Variants in ACTR1B observed in about 807,000 individuals in gnomAD.
ACTR1B encodes actin related protein 1B.
Under a neutral mutation model 49.4 loss-of-function variants are expected in ACTR1B, and 34 were observed. The ratio of observed to expected loss-of-function variants is 0.69; its 90% confidence interval spans 0.52 to 0.92. The LOEUF (loss-of-function observed/expected upper bound fraction) is 0.92, where lower values mean the gene tolerates loss of function less well. ACTR1B is among the 40% of genes least tolerant of loss of function. The pLI, the probability that ACTR1B is intolerant of heterozygous loss-of-function variation, is 0.00. For synonymous variants in ACTR1B, 207 were observed against 207.8 expected, an observed-to-expected ratio of 1.00 and a Z score of 0.03; for missense variants, 471 against 522.4, an observed-to-expected ratio of 0.90 and a Z score of 0.96.
rs1489212934 is a variant in ACTR1B, at chr2:97,660,457, G to C, written c.189+114C>G. 1.0e-5 allele frequency: 11 copies of C among 1,065,788 alleles called. No individual in the cohort carries two copies. The East Asian group carries it at 2.4e-4, about 23-fold the overall frequency. The allele number at this position is 1,065,788 out of a possible 1,614,324, so 66.0% of individuals were successfully genotyped here. ...AGGTGCCCCTGCACAGCACTTCCCA[G>C]CTGGAGCCTGGAGGAGGTACCCGGG... On this transcript the variant is annotated intron_variant, in intron 3 of 10. Transcript: ENST00000289228.
Position 97,658,856 on chromosome 2 carries a change from G to A in ACTR1B, c.440+23C>T, listed in dbSNP as rs377261020. ...GCACAGGGAGGACAGGACTCAGGGAGGCCAGGCTTAGGGAGCACTCACAGA... is the reference window on the plus strand; with the variant it reads ...GCACAGGGAGGACAGGACTCAGGGAAGCCAGGCTTAGGGAGCACTCACAGA... On this transcript the variant is annotated intron_variant, in intron 5 of 10. Transcript: ENST00000289228. The surrounding 1 kb of genome is among the most constrained non-coding windows in gnomAD (Gnocchi z 5.9). 4 of 1,613,840 alleles carry A rather than the reference G, an allele frequency of 2.5e-6. No homozygotes were observed. The highest frequency in any genetic ancestry group is 3.4e-6 in the Non-Finnish European group (4 of 1,179,990).
At chr2:97,661,792 A>G (rs1425337104) in intron 2 of ACTR1B, 90 bp downstream of exon 2, 4 of 1,355,034 alleles carry the variant, frequency 3.0e-6, no homozygotes, top group Non-Finnish European at 4.1e-6. Context: ...TCAGGGCACA[A>G]ATTGTCTTCA....
In ACTR1B at chr2:97,658,947, C is replaced by G; in HGVS notation, c.372G>C (p.Ala124=). ...TGAAGGTCTCAAAGAACACCTCTGC[C>G]GCCTTCTCCCGGTTCTTACTCGGGT... is the stretch of plus-strand genomic sequence containing the variant. ...PLNPSKNREK[A]AEVFFETFNV... Residue 124 remains alanine (A), a synonymous_variant, in exon 5 of 11, where the codon GCG becomes GCC. Coordinates refer to ENST00000289228, the MANE Select transcript of ACTR1B (RefSeq NM_005735.4). This position sits in a 1 kb window ranked among gnomAD's most constrained non-coding sequence, Gnocchi z 5.9. 1 of 1,614,162 alleles carries G rather than the reference C, an allele frequency of 6.2e-7. No homozygotes were observed. Among genetic ancestry groups the G allele is most frequent in the Non-Finnish European group, 8.5e-7 (1 of 1,180,022 alleles).
At position 97,663,887 on chromosome 2, in the gene ACTR1B, C is replaced by T; in HGVS notation, c.4G>A (p.Glu2Lys). 1 of 1,410,076 alleles carries T rather than the reference C, an allele frequency of 7.1e-7. No individual in the cohort carries two copies. Among genetic ancestry groups the T allele is most frequent in the Non-Finnish European group, 9.4e-7 (1 of 1,067,618 alleles). 87.3% of individuals were successfully genotyped at this position (1,410,076 alleles called of 1,614,324 possible). Residue 2 changes from glutamate to lysine, a missense_variant, in exon 1 of 11, where the codon GAG becomes AAG. Coordinates refer to ENST00000289228, the MANE Select transcript of ACTR1B (RefSeq NM_005735.4). Reference protein sequence around the residue: MESYDIIANQPV... With the variant: MKSYDIIANQPV... ...TGGTTGGCGATGATGTCGTAGGACTCCATGGCCGGGCCGCGCCGGCCCTGC... is the reference window on the plus strand; with the variant it reads ...TGGTTGGCGATGATGTCGTAGGACTTCATGGCCGGGCCGCGCCGGCCCTGC...
Position 97,656,324 on chromosome 2 carries a change from G to A in ACTR1B, c.*534C>T, listed in dbSNP as rs1674835277. On this transcript the variant is annotated 3_prime_UTR_variant, in exon 11 of 11. Transcript: ENST00000289228. ...ACCCTGGGCTGCACCCCCTTGCTGGGGATGGAAGACCATTCAGTACTCAGC... is the reference window on the plus strand; with the variant it reads ...ACCCTGGGCTGCACCCCCTTGCTGGAGATGGAAGACCATTCAGTACTCAGC... The A allele has an allele frequency of 6.2e-6, 1 of 160,172 alleles. No individual in the cohort carries two copies. The highest frequency in any genetic ancestry group is 1.4e-5 in the Non-Finnish European group (1 of 72,782). The allele number at this position is 160,172 out of a possible 1,614,324, so 9.9% of individuals were successfully genotyped here. A position where few individuals can be genotyped will look rare whatever the true frequency, so the allele number is the denominator to read the frequency against.
intron 8 of ACTR1B, 90 bp downstream of exon 8, chr2:97,657,853 C>A (rs1033646643): frequency 2.7e-6 from 4 of 1,461,418 alleles, no homozygotes; most frequent in East Asian, 2.3e-5. Flanking sequence ...AAAAAGCCAA[C>A]AGAATATGGC....
At chr2:97,660,378 G>A (rs1008386287) in intron 3 of ACTR1B, among the ~76,000 whole-genome samples, 193 bp downstream of exon 3, 1 of 152,216 alleles carries the variant, frequency 6.6e-6, no homozygotes, top group African/African-American at 2.4e-5. Context: ...GACAGGACAC[G>A]ATGAGCTCTA....
At chr2:97,657,311 G>C in intron 9 of ACTR1B, 119 bp from the exon 10 acceptor site, 1 of 1,500,260 alleles carries the variant, frequency 6.7e-7, no homozygotes, top group Non-Finnish European at 9.2e-7. Flanking sequence ...GCTGGGGAGT[G>C]GCAGCAGCAG....
intron 1 of ACTR1B, 87 bp downstream of exon 1, chr2:97,663,756 C>T: frequency 2.3e-6 from 2 of 863,864 alleles, no homozygotes; most frequent in Non-Finnish European, 3.0e-6. Flanking sequence ...GGAGGACGCG[C>T]CGAGGCGGGC....
chr2:97,656,709 C>T lies in ACTR1B; in HGVS notation c.*149G>A. 1.5e-6 allele frequency: 1 copy of T among 653,272 alleles called. No individual in the cohort carries two copies. The highest frequency in any genetic ancestry group is 2.7e-6 in the Non-Finnish European group (1 of 365,558). The allele number at this position is 653,272 out of a possible 1,614,324, so 40.5% of individuals were successfully genotyped here. A position where few individuals can be genotyped will look rare whatever the true frequency, so the allele number is the denominator to read the frequency against. ...TGCATGTCCTGTGTAGAGGGGAAGG[C>T]TGCAGGGGGGCACTGCTGTGCCACC... On this transcript the variant is annotated 3_prime_UTR_variant, in exon 11 of 11. Transcript: ENST00000289228.
intron 1 of ACTR1B, 49 bp from the exon 2 acceptor site, chr2:97,661,995 G>C: frequency 6.5e-7 from 1 of 1,547,498 alleles, no homozygotes; most frequent in South Asian, 1.2e-5. Flanking sequence ...ACCAGATGAA[G>C]CCAGTCCCCC....
At chr2:97,661,836 A>G (rs1559290603) in intron 2 of ACTR1B, 46 bp downstream of exon 2, 3 of 1,547,762 alleles carry the variant, frequency 1.9e-6, no homozygotes, top group Non-Finnish European at 2.6e-6. Flanking sequence ...ATGTTCTTAC[A>G]GAAGGTAAAC....
Position 97,663,996 on chromosome 2 carries a change from G to T in ACTR1B, c.-106C>A. The T allele has an allele frequency of 1.6e-6, 1 of 641,884 alleles. No individual in the cohort carries two copies. The highest frequency in any genetic ancestry group is 2.2e-6 in the Non-Finnish European group (1 of 458,186). 39.8% of individuals were successfully genotyped at this position (641,884 alleles called of 1,614,324 possible). A position where few individuals can be genotyped will look rare whatever the true frequency, so the allele number is the denominator to read the frequency against. ...CGGCGGCTCCCGACGCGGCGCCGCT[G>T]CCCTCCCTCCCCGAGCCTGCAGCCT... is the stretch of plus-strand genomic sequence containing the variant. On this transcript the variant is annotated 5_prime_UTR_variant, in exon 1 of 11. Coordinates refer to ENST00000289228, the MANE Select transcript of ACTR1B (RefSeq NM_005735.4).
At chr2:97,661,979 T>C (rs758837449) in intron 1 of ACTR1B, 33 bp from the exon 2 acceptor site, 1 of 1,565,126 alleles carries the variant, frequency 6.4e-7, no homozygotes, top group Non-Finnish European at 8.7e-7. Flanking sequence ...GCTGCCCACA[T>C]GCACCACCAG....
chr2:97,663,766 C>T, intron 1 of ACTR1B, 77 bp downstream of exon 1: 2 of 968,554 alleles, frequency 2.1e-6, no homozygotes, highest in Non-Finnish European at 2.7e-6. Context: ...CCGAGGCGGG[C>T]GGGGGTCTCT....
Position 97,659,218 on chromosome 2 carries a change from C to G in ACTR1B, c.315+134G>C. The G allele has an allele frequency of 6.8e-7, 1 of 1,467,198 alleles. No homozygotes were observed. Among genetic ancestry groups the G allele is most frequent in the South Asian group, 1.3e-5 (1 of 79,670 alleles). 90.9% of individuals were successfully genotyped at this position (1,467,198 alleles called of 1,614,324 possible). Reference sequence around the variant, plus strand: ...GCAGCCACTGGGTACGTATGCGCACCCAGACACACACGGAAAGGCAGCAGG... The same window carrying G: ...GCAGCCACTGGGTACGTATGCGCACGCAGACACACACGGAAAGGCAGCAGG... On this transcript the variant is annotated intron_variant, in intron 4 of 10. Transcript: ENST00000289228. The surrounding 1 kb of genome is among the most constrained non-coding windows in gnomAD (Gnocchi z 4.0).
At position 97,656,699 on chromosome 2, in the gene ACTR1B, G is replaced by A. The variant is rs1257190669; in HGVS notation, c.*159C>T. ...TACTTGTGTGTGCATGTCCTGTGTAGAGGGGAAGGCTGCAGGGGGGCACTG... is the reference window on the plus strand; with the variant it reads ...TACTTGTGTGTGCATGTCCTGTGTAAAGGGGAAGGCTGCAGGGGGGCACTG... On this transcript the variant is annotated 3_prime_UTR_variant, in exon 11 of 11. Transcript: ENST00000289228. The A allele has an allele frequency of 1.6e-6, 1 of 636,940 alleles. No individual in the cohort carries two copies. Among genetic ancestry groups the A allele is most frequent in the Admixed American group, 2.5e-5 (1 of 40,232 alleles). 39.5% of individuals were successfully genotyped at this position (636,940 alleles called of 1,614,324 possible).
intron 2 of ACTR1B, among the ~76,000 whole-genome samples, chr2:97,661,633 G>T (rs1328037971): frequency 6.6e-6 from 1 of 152,148 alleles, no homozygotes; most frequent in Non-Finnish European, 1.5e-5. Context: ...CATCCCCAGG[G>T]AAATGCTGGT....
At chr2:97,657,674 C>T (rs1007204022) in intron 8 of ACTR1B, among the ~76,000 whole-genome samples, 165 bp from the exon 9 acceptor site, 4 of 152,218 alleles carry the variant, frequency 2.6e-5, no homozygotes, top group African/African-American at 9.6e-5. Context: ...TGGCTGCCTG[C>T]GGGCCCTGCG....
Sources: gnomAD v4.1 joint callset for allele counts (sites outside exome capture counted in the v4.1 genomes callset) on GRCh38, gnomAD v4.1.1 for gene constraint, Gnocchi (gnomAD v3.1) non-coding constraint, MANE v1.5 for transcripts, NCBI Gene and HGNC (gene_info 2026-07-23, HGNC 2026-07-21) for gene names.